LRBA: variants seen among roughly 807,000 people sequenced by gnomAD.
The protein encoded by LRBA is LPS responsive beige-like anchor protein.
Under a neutral mutation model 330.0 loss-of-function variants are expected in LRBA, and 176 were observed. The ratio of observed to expected loss-of-function variants is 0.53; its 90% CI spans 0.47 to 0.60. LRBA has a LOEUF of 0.60. Ranked by LOEUF, LRBA falls within the 20% of genes least tolerant of loss-of-function variation. The pLI is 0.00. For missense variants in LRBA, 3,259 were observed against 3,444.8 expected (o/e 0.95, Z 1.35); for synonymous variants, 1,230 against 1,193.0 (o/e 1.03, Z -0.64).
intron 36 of LRBA, among the ~76,000 whole-genome samples, chr4:150,716,992 C>A (rs2127062184): frequency 6.6e-6 from 1 of 152,264 alleles, no homozygotes; most frequent in Non-Finnish European, 1.5e-5. Context: ...TGTTGTGGTA[C>A]TGAAATGAGA....
intron 42 of LRBA, among the ~76,000 whole-genome samples, chr4:150,482,920 G>A (rs1040219105): frequency 1.1e-4 from 17 of 151,784 alleles, no homozygotes; most frequent in Non-Finnish European, 2.4e-4. Flanking sequence ...GGATGTAAGT[G>A]CTTTATCACA....
At chr4:150,807,739 G>A (rs1411417528) in intron 32 of LRBA, among the ~76,000 whole-genome samples, 6 of 151,838 alleles carry the variant, frequency 4.0e-5, no homozygotes, top group African/African-American at 7.3e-5. Context: ...TCTGCCTCCC[G>A]GGTTCAAGTG....
chr4:150,333,116 G>A (rs1300912471), intron 48 of LRBA, among the ~76,000 whole-genome samples: 1 of 152,116 alleles, frequency 6.6e-6, no homozygotes, highest in Non-Finnish European at 1.5e-5. Context: ...TGACAGTGTA[G>A]TATTTGGCTT....
chr4:150,792,776 T>TA (rs1033058573), intron 34 of LRBA, among the ~76,000 whole-genome samples: 9 of 152,068 alleles, frequency 5.9e-5, no homozygotes, highest in Non-Finnish European at 8.8e-5. Context: ...TTGTTTTTTT[T>TA]AAAAAAAGAG....
At chr4:150,306,209 TTA>T (rs1296712779) in intron 52 of LRBA, among the ~76,000 whole-genome samples, 1 of 152,276 alleles carries the variant, frequency 6.6e-6, no homozygotes, top group South Asian at 2.1e-4. Flanking sequence ...AAAACATGAT[TTA>T]TGTTTAAAGA....
intron 40 of LRBA, among the ~76,000 whole-genome samples, chr4:150,534,340 TATAATAATA>T (rs36206816): frequency 0.011 from 1,612 of 143,672 alleles, 7 homozygotes; most frequent in Middle Eastern, 0.018. Flanking sequence ...AAACTTGAAG[TATAATAATA>T]ATAATAATAA....
chr4:150,813,388 G>C (rs903571166), intron 31 of LRBA, among the ~76,000 whole-genome samples: 32 of 152,042 alleles, frequency 2.1e-4, no homozygotes, highest in Non-Finnish European at 3.5e-4. Context: ...GTTGCTCTTA[G>C]ACTAGTCCTT....
chr4:150,957,774 T>G (rs1448846585), intron 2 of LRBA, among the ~76,000 whole-genome samples: 2 of 148,724 alleles, frequency 1.3e-5, no homozygotes, highest in East Asian at 3.9e-4. Context: ...ATAGGAGAAA[T>G]TGGCCAAAAC....
chr4:150,515,283 A>T lies in LRBA; in HGVS notation c.6331-24248T>A, dbSNP rs950899768. Among the ~76,000 whole-genome samples, 4 of 152,204 alleles carry T rather than the reference A, an allele frequency of 2.6e-5. No individual in the cohort carries two copies. The East Asian group carries it at 7.7e-4, about 29-fold the overall frequency. ...ATCCACAACAGGAGATCTACTCCTTATATCAACAAATTAAAAGGAAAACAT... is the reference window on the plus strand; with the variant it reads ...ATCCACAACAGGAGATCTACTCCTTTTATCAACAAATTAAAAGGAAAACAT... On this transcript the variant is annotated intron_variant, in intron 40 of 56. Transcript: ENST00000651943.
At chr4:150,357,621 T>C (rs1253527661) in intron 47 of LRBA, among the ~76,000 whole-genome samples, 2 of 151,538 alleles carry the variant, frequency 1.3e-5, no homozygotes, top group African/African-American at 4.8e-5. Context: ...GCTAAACTAA[T>C]TATAGTATCA....
intron 34 of LRBA, among the ~76,000 whole-genome samples, chr4:150,769,270 G>A (rs1049386153): frequency 1.3e-5 from 2 of 151,892 alleles, no homozygotes; most frequent in African/African-American, 4.8e-5. Context: ...CTATGCCCCG[G>A]TATTAATCAG....
chr4:150,733,586 A>T (rs1730790557), intron 36 of LRBA, among the ~76,000 whole-genome samples: 1 of 151,764 alleles, frequency 6.6e-6, no homozygotes, highest in South Asian at 2.1e-4. Flanking sequence ...TCACACACAC[A>T]CACACACACA....
intron 33 of LRBA, among the ~76,000 whole-genome samples, chr4:150,805,577 AAAGGAAAG>A: frequency 7.5e-6 from 1 of 133,390 alleles, no homozygotes; most frequent in Non-Finnish European, 1.6e-5. Flanking sequence ...AAAGGAAAGG[AAAGGAAAG>A]GAAAGGAAAG....
intron 28 of LRBA, among the ~76,000 whole-genome samples, chr4:150,842,675 A>G (rs1251062362): frequency 6.6e-6 from 1 of 152,250 alleles, no homozygotes; most frequent in Middle Eastern, 3.2e-3. Flanking sequence ...AGAAGGTAGT[A>G]TAGCCTTTTA....
chr4:150,721,318 GT>G (rs1325071632), intron 36 of LRBA: 1 of 324,688 alleles, frequency 3.1e-6, no homozygotes, highest in African/African-American at 2.2e-5. Flanking sequence ...AAAGTACTTT[GT>G]ATTGATCAAA....
intron 40 of LRBA, among the ~76,000 whole-genome samples, chr4:150,551,321 T>C (rs551062331): frequency 3.9e-5 from 6 of 152,310 alleles, no homozygotes; most frequent in African/African-American, 1.2e-4. Context: ...GAAATGAATA[T>C]GTAAATTAGC....
chr4:150,510,638 A>C (rs1345740461), intron 40 of LRBA, among the ~76,000 whole-genome samples: 5 of 152,080 alleles, frequency 3.3e-5, no homozygotes, highest in Non-Finnish European at 7.4e-5. Flanking sequence ...CTTCCTTTGG[A>C]TTTCAACAGA....
chr4:150,964,102 C>G (rs1223062738), intron 2 of LRBA, among the ~76,000 whole-genome samples: 1 of 148,704 alleles, frequency 6.7e-6, no homozygotes, highest in South Asian at 2.1e-4. Context: ...CGTCTCCGCC[C>G]GGCAGCCGCC....
chr4:150,983,178 C>G (rs1378799612), intron 2 of LRBA, among the ~76,000 whole-genome samples: 1 of 152,120 alleles, frequency 6.6e-6, no homozygotes, highest in African/African-American at 2.4e-5. Context: ...AAGTTTTTAG[C>G]CAGGTGCAGT....
Sources: gnomAD v4.1 joint callset for allele counts (sites outside exome capture counted in the v4.1 genomes callset) on GRCh38, gnomAD v4.1.1 for gene constraint, MANE v1.5 for transcripts, NCBI Gene and HGNC (gene_info 2026-07-23, HGNC 2026-07-21) for gene names.